The following LARP1B variants were observed in gnomAD, a reference collection of about 807,000 sequenced individuals.
LARP1B encodes the protein La ribonucleoprotein 1B.
LARP1B carries 76 observed loss-of-function variants against 114.2 expected under a neutral mutation model. The ratio of observed to expected loss-of-function variants is 0.67; its 90% confidence interval spans 0.55 to 0.81. The LOEUF is 0.81. Among genes scored for constraint, LARP1B ranks in the 30% least tolerant of loss-of-function variants. LARP1B has a pLI of 0.00. For synonymous variants in LARP1B, 345 were observed against 348.0 expected, an observed-to-expected ratio of 0.99 and a Z score of 0.10; for missense variants, 1,014 against 1,075.8, an observed-to-expected ratio of 0.94 and a Z score of 0.80.
intron 15 of LARP1B, among the ~76,000 whole-genome samples, chr4:128,185,051 T>C (rs555545720): frequency 1.9e-4 from 29 of 152,002 alleles, no homozygotes; most frequent in African/African-American, 7.0e-4. Flanking sequence ...TATATACCCA[T>C]ATATAAAATT....
intron 11 of LARP1B, among the ~76,000 whole-genome samples, chr4:128,138,107 T>TA (rs1408119176): frequency 6.6e-6 from 1 of 151,948 alleles, no homozygotes; most frequent in Non-Finnish European, 1.5e-5. Context: ...TAAACTCCCA[T>TA]AAAAAATATG....
At chr4:128,177,161 C>T (rs1746594874) in intron 13 of LARP1B, among the ~76,000 whole-genome samples, 2 of 152,034 alleles carry the variant, frequency 1.3e-5, no homozygotes, top group Admixed American at 6.6e-5. Context: ...AAATGGGAAA[C>T]ACTGAAGGAT....
At chr4:128,216,928 C>T (rs1313900215), downstream of LARP1B, among the ~76,000 whole-genome samples, 1 of 151,944 alleles carries the variant, frequency 6.6e-6, no homozygotes, top group Non-Finnish European at 1.5e-5. Flanking sequence ...AGAGAAGAAT[C>T]AAATAGACAC....
rs989688682 is a variant in LARP1B, at chr4:128,092,935, C to T, written c.668+1423C>T. The T allele has an allele frequency of 6.1e-6, 6 of 985,268 alleles. No individual in the cohort carries two copies. In the South Asian group the frequency reaches 1.4e-4, roughly 23 times the overall value. The allele number at this position is 985,268 out of a possible 1,614,324, so 61.0% of individuals were successfully genotyped here. On this transcript the variant is annotated intron_variant, in intron 7 of 19. Coordinates refer to ENST00000326639, the MANE Select transcript of LARP1B (RefSeq NM_018078.4). ...ACATGCAACTCCATGTCAGGATAAT[C>T]GGCCTCCAGTGTGCTCATACAAGTG...
intron 11 of LARP1B, among the ~76,000 whole-genome samples, chr4:128,148,598 GA>G (rs1397840201): frequency 3.3e-5 from 5 of 151,736 alleles, no homozygotes; most frequent in African/African-American, 1.2e-4. Context: ...TTTAGAAGCT[GA>G]TTTTTTTTTA....
intron 11 of LARP1B, among the ~76,000 whole-genome samples, chr4:128,149,338 A>G (rs1025788566): frequency 1.3e-5 from 2 of 152,258 alleles, no homozygotes; most frequent in African/African-American, 4.8e-5. Context: ...TTTATAAAGA[A>G]AGTGGAATGA....
At chr4:128,203,007 G>T (rs1238732627) in intron 17 of LARP1B, among the ~76,000 whole-genome samples, 1 of 152,162 alleles carries the variant, frequency 6.6e-6, no homozygotes, top group African/African-American at 2.4e-5. Flanking sequence ...AGACTAGCCT[G>T]GCCAACATGG....
At chr4:128,088,955 C>T (rs1774774433) in intron 5 of LARP1B, among the ~76,000 whole-genome samples, 1 of 151,718 alleles carries the variant, frequency 6.6e-6, no homozygotes, top group Non-Finnish European at 1.5e-5. Flanking sequence ...GAGAACTCAT[C>T]TCTGTTAAAA....
At chr4:128,113,868 C>G (rs1431030513) in intron 9 of LARP1B, among the ~76,000 whole-genome samples, 4 of 148,158 alleles carry the variant, frequency 2.7e-5, no homozygotes, top group African/African-American at 1.0e-4. Flanking sequence ...CTCACTGCAA[C>G]CTCCACCTCC....
chr4:128,074,373 C>A, intron 1 of LARP1B, 87 bp from the exon 2 acceptor site: 1 of 209,088 alleles, frequency 4.8e-6, no homozygotes, highest in Non-Finnish European at 8.3e-6. Context: ...GATGATTATA[C>A]TGATTTACTG....
chr4:128,064,348 C>T (rs2149263821), intron 1 of LARP1B, among the ~76,000 whole-genome samples: 1 of 150,562 alleles, frequency 6.6e-6, no homozygotes, highest in African/African-American at 2.4e-5. Flanking sequence ...CAGAGGAACT[C>T]TCCAAAGAGG....
intron 1 of LARP1B, among the ~76,000 whole-genome samples, chr4:128,065,253 A>ATTTCTTTCTTTCTTTCTTTCTTTCTTTC (rs199707342): frequency 1.1e-5 from 1 of 89,544 alleles, no homozygotes; most frequent in Non-Finnish European, 2.4e-5. Context: ...CCCACAATTA[A>ATTTCTTTCTTTCTTTCTTTCTTTCTTTC]TTTCTTTCTT....
rs751861788 is a variant in LARP1B at position 128,077,919 on chromosome 4, C to T, written c.174C>T (p.Asn58=). The change falls in exon 4 of 20, where the codon AAC becomes AAT. Residue 58 remains asparagine, a synonymous_variant. Coordinates refer to ENST00000326639, the MANE Select transcript of LARP1B (RefSeq NM_018078.4). ...CAAAATTAAATGGTCCTGGTGAAAA[C>T]GTCAGTGAGGATGAGGCTCAGTCAA... The part of the protein sequence containing the change: ...RETKLNGPGE[N]VSEDEAQSSN... 1.4e-5 allele frequency: 23 copies of T among 1,612,322 alleles called. No homozygotes were observed. The highest frequency in any genetic ancestry group is 3.3e-5 in the South Asian group (3 of 90,324).
At chr4:128,214,273 G>T (rs979356128), downstream of LARP1B, among the ~76,000 whole-genome samples, 1 of 147,902 alleles carries the variant, frequency 6.8e-6, no homozygotes, top group East Asian at 2.0e-4. Flanking sequence ...CAAAGCAGCC[G>T]GGAAGCTCGA....
At chr4:128,161,738 T>G (rs1738615166) in intron 11 of LARP1B, among the ~76,000 whole-genome samples, 1 of 152,186 alleles carries the variant, frequency 6.6e-6, no homozygotes, top group African/African-American at 2.4e-5. Context: ...GTCCCATCTC[T>G]CCTGTGATGG....
chr4:128,205,450 T>G (rs1460343546), intron 17 of LARP1B, among the ~76,000 whole-genome samples: 1 of 152,208 alleles, frequency 6.6e-6, no homozygotes, highest in Non-Finnish European at 1.5e-5. Flanking sequence ...TGGTTGAAGG[T>G]TGAGCCTATA....
At chr4:128,087,882 C>T (rs1774282647) in intron 5 of LARP1B, among the ~76,000 whole-genome samples, 1 of 151,706 alleles carries the variant, frequency 6.6e-6, no homozygotes, top group African/African-American at 2.4e-5. Context: ...ATGTATAAAA[C>T]TTGTCTATAG....
chr4:128,159,340 T>TC (rs1395966833), intron 11 of LARP1B, among the ~76,000 whole-genome samples: 1 of 152,150 alleles, frequency 6.6e-6, no homozygotes, highest in Non-Finnish European at 1.5e-5. Context: ...CACAAAGTTC[T>TC]CCCTGTGCTC....
chr4:128,195,149 G>A (rs1753666099), intron 15 of LARP1B, among the ~76,000 whole-genome samples: 1 of 151,980 alleles, frequency 6.6e-6, no homozygotes, highest in South Asian at 2.1e-4. Flanking sequence ...AATAAATCCA[G>A]CTTTCTATTA....
Sources: gnomAD v4.1 joint callset for allele counts (sites outside exome capture counted in the v4.1 genomes callset) on GRCh38, gnomAD v4.1.1 for gene constraint, MANE v1.5 for transcripts, NCBI Gene and HGNC (gene_info 2026-07-23, HGNC 2026-07-21) for gene names.